SSBP2: variants seen among roughly 807,000 people sequenced by gnomAD.
The protein encoded by SSBP2 is single stranded DNA binding protein 2, also known as single-stranded DNA-binding protein 2.
In SSBP2, 17 loss-of-function variants were observed where a neutral mutation model predicts 61.8. The ratio of observed to expected loss-of-function variants is 0.28; its 90% CI spans 0.19 to 0.41. The LOEUF (loss-of-function observed/expected upper bound fraction) is 0.41, where lower values mean the gene tolerates loss of function less well. Among genes scored for constraint, SSBP2 ranks in the 10% least tolerant of loss-of-function variants. The pLI is 1.00. For missense variants in SSBP2, 310 were observed against 458.7 expected, an observed-to-expected ratio of 0.68 and a Z score of 2.96; for synonymous variants, 139 against 141.3, an observed-to-expected ratio of 0.98 and a Z score of 0.12.
intron 1 of SSBP2, among the ~76,000 whole-genome samples, chr5:81,726,933 T>G (rs1755926766): frequency 6.6e-6 from 1 of 152,228 alleles, no homozygotes; most frequent in African/African-American, 2.4e-5. Flanking sequence ...CTCCTTTAAT[T>G]TCTTTTGCAC....
intron 3 of SSBP2, among the ~76,000 whole-genome samples, chr5:81,633,664 C>T (rs1216707137): frequency 6.6e-6 from 1 of 152,154 alleles, no homozygotes; most frequent in East Asian, 1.9e-4. Flanking sequence ...CACCACTGCA[C>T]CCAGCTTCAT....
rs1262559956 is a variant in SSBP2 at position 81,416,442 on chromosome 5, T to A, written c.*4062A>T. The A allele has an allele frequency of 6.6e-6, 1 of 152,180 alleles. No homozygotes were observed. The highest frequency in any genetic ancestry group is 2.1e-4 in the South Asian group (1 of 4,816). The allele number at this position is 152,180 out of a possible 1,614,324, so 9.4% of individuals were successfully genotyped here. On this transcript the variant is annotated 3_prime_UTR_variant, in exon 17 of 17. Transcript: ENST00000320672. ...GGGCTGAGAAGGTAACAGTGTTCAG[T>A]TGGTATTTTATTTCTCCTGGAAGAT... is the stretch of plus-strand genomic sequence containing the variant.
Position 81,574,953 on chromosome 5 carries a change from C to T in SSBP2, c.282+40520G>A, listed in dbSNP as rs568490659. Among the ~76,000 whole-genome samples, 9 of 152,286 alleles carry T rather than the reference C, an allele frequency of 5.9e-5. No individual in the cohort carries two copies. The South Asian group carries it at 1.9e-3, about 32-fold the overall frequency. On this transcript the variant is annotated intron_variant, in intron 4 of 16. Transcript: ENST00000320672. ...CATCTGCTAACTGAAGTGTACTCTTCAGAAGGAAAGAGAATACTTGGAGAA... is the reference window on the plus strand; with the variant it reads ...CATCTGCTAACTGAAGTGTACTCTTTAGAAGGAAAGAGAATACTTGGAGAA...
chr5:81,608,317 C>T (rs1234905784), intron 4 of SSBP2, among the ~76,000 whole-genome samples: 2 of 152,046 alleles, frequency 1.3e-5, no homozygotes, highest in Admixed American at 6.5e-5. Flanking sequence ...TATTTGTCAC[C>T]ATTTTAATTC....
chr5:81,540,661 G>A (rs529078160), intron 4 of SSBP2, among the ~76,000 whole-genome samples: 1 of 151,880 alleles, frequency 6.6e-6, no homozygotes, highest in East Asian at 1.9e-4. Flanking sequence ...GTTTCTTTAG[G>A]TATAATGCTA....
At chr5:81,452,648 A>G (rs1763852070) in intron 10 of SSBP2, among the ~76,000 whole-genome samples, 1 of 152,196 alleles carries the variant, frequency 6.6e-6, no homozygotes, top group Non-Finnish European at 1.5e-5. Context: ...AGAAGTTAAG[A>G]TAATTCCTAG....
At chr5:81,540,913 T>C (rs1454093306) in intron 4 of SSBP2, among the ~76,000 whole-genome samples, 11 of 149,874 alleles carry the variant, frequency 7.3e-5, no homozygotes, top group Admixed American at 2.7e-4. Context: ...GCCAGATCAA[T>C]TGGGCAACAG....
chr5:81,653,200 T>C (rs1444773138), intron 1 of SSBP2, among the ~76,000 whole-genome samples: 4 of 152,168 alleles, frequency 2.6e-5, no homozygotes, highest in African/African-American at 4.8e-5. Context: ...ATGTGGTGTT[T>C]GGTTTTCTGT....
At chr5:81,669,653 G>A (rs1045922139) in intron 1 of SSBP2, among the ~76,000 whole-genome samples, 3 of 152,034 alleles carry the variant, frequency 2.0e-5, no homozygotes, top group African/African-American at 4.8e-5. Flanking sequence ...GGCCTGTTGG[G>A]GGATGGGGGA....
chr5:81,531,323 G>A lies in SSBP2; in HGVS notation c.283-17606C>T, dbSNP rs145654875. ...TACACTGATCAAAAATTTTTACAGA[G>A]GAAAAGATACTGAATTTCAGTTAAA... On this transcript the variant is annotated intron_variant, in intron 4 of 16. Coordinates refer to ENST00000320672, the MANE Select transcript of SSBP2 (RefSeq NM_012446.5). Among the ~76,000 whole-genome samples, 521 of 151,066 alleles carry A rather than the reference G, an allele frequency of 3.4e-3. 1 individual carries two copies. The highest frequency in any genetic ancestry group is 0.01 in the Middle Eastern group (3 of 294).
At chr5:81,729,461 G>A (rs1283387984) in intron 1 of SSBP2, among the ~76,000 whole-genome samples, 1 of 152,128 alleles carries the variant, frequency 6.6e-6, no homozygotes, top group Admixed American at 6.5e-5. Context: ...ATGGGGCTGG[G>A]GGTTGTAGAA....
rs547158764 is a variant in SSBP2 at position 81,441,595 on chromosome 5, T to C, written c.850-959A>G. On this transcript the variant is annotated intron_variant, in intron 13 of 16. Transcript: ENST00000320672. Reference sequence around the variant, plus strand: ...GGTGGTGACTAATCATGAAGGCTTTTAGGAAGAAATAACTGCCTTTGGCAG... The same window carrying C: ...GGTGGTGACTAATCATGAAGGCTTTCAGGAAGAAATAACTGCCTTTGGCAG... Among the ~76,000 whole-genome samples the C allele has an allele frequency of 4.1e-4, 62 of 152,268 alleles. No homozygotes were observed. In the South Asian group the frequency reaches 0.013, roughly 32 times the overall value.
chr5:81,666,641 T>C (rs1751161959), intron 1 of SSBP2, among the ~76,000 whole-genome samples: 1 of 152,208 alleles, frequency 6.6e-6, no homozygotes, highest in African/African-American at 2.4e-5. Flanking sequence ...TAATTATCTA[T>C]AGAGTTTAGT....
chr5:81,720,323 T>C (rs1755460099), intron 1 of SSBP2, among the ~76,000 whole-genome samples: 1 of 152,164 alleles, frequency 6.6e-6, no homozygotes, highest in Non-Finnish European at 1.5e-5. Flanking sequence ...AGAGTATTCA[T>C]TCCAAATGGT....
At chr5:81,561,427 TA>T (rs1773033126) in intron 4 of SSBP2, among the ~76,000 whole-genome samples, 1 of 152,148 alleles carries the variant, frequency 6.6e-6, no homozygotes, top group Admixed American at 6.5e-5. Flanking sequence ...TTATTAATCT[TA>T]AAAAATAATT....
chr5:81,659,503 A>C (rs1199919481), intron 1 of SSBP2, among the ~76,000 whole-genome samples: 1 of 152,164 alleles, frequency 6.6e-6, no homozygotes, highest in Admixed American at 6.5e-5. Context: ...ACCACTACTC[A>C]AGAAAATGAG....
chr5:81,591,038 G>T (rs1274966617), intron 4 of SSBP2, among the ~76,000 whole-genome samples: 1 of 152,154 alleles, frequency 6.6e-6, no homozygotes, highest in Non-Finnish European at 1.5e-5. Context: ...TAAGCATCAA[G>T]TAAAAAATAA....
intron 1 of SSBP2, among the ~76,000 whole-genome samples, chr5:81,709,466 C>T (rs1754624488): frequency 6.6e-6 from 1 of 151,828 alleles, no homozygotes; most frequent in Non-Finnish European, 1.5e-5. Context: ...TATGCAGTTC[C>T]TAATAATTCC....
intron 4 of SSBP2, among the ~76,000 whole-genome samples, chr5:81,569,971 T>G (rs1272471036): frequency 6.6e-6 from 1 of 152,188 alleles, no homozygotes; most frequent in Non-Finnish European, 1.5e-5. Context: ...TGGCTAGTTT[T>G]ATCTTACTTT....
Sources: gnomAD v4.1 joint callset for allele counts (sites outside exome capture counted in the v4.1 genomes callset) on GRCh38, gnomAD v4.1.1 for gene constraint, MANE v1.5 for transcripts, NCBI Gene and HGNC (gene_info 2026-07-23, HGNC 2026-07-21) for gene names.